SAMD7: variants seen among roughly 807,000 people sequenced by gnomAD.
SAMD7 encodes sterile alpha motif domain-containing protein 7.
SAMD7 carries 34 observed loss-of-function variants against 36.7 expected under a neutral mutation model. That is an observed-to-expected ratio of 0.93 (90% CI 0.71 to 1.23). SAMD7 has a LOEUF of 1.23. Among genes scored for constraint, SAMD7 ranks in the 50% most tolerant of loss-of-function variants. The pLI, the probability that SAMD7 is intolerant of heterozygous loss-of-function variation, is 0.00. For missense variants in SAMD7, 570 were observed against 546.6 expected (o/e 1.04, Z -0.43); for synonymous variants, 188 against 189.7 (o/e 0.99, Z 0.07).
chr3:169,922,967 G>A (rs1287189130), intron 4 of SAMD7, among the ~76,000 whole-genome samples: 2 of 152,214 alleles, frequency 1.3e-5, no homozygotes, highest in African/African-American at 2.4e-5. Context: ...ATTTTGATGT[G>A]AGCAATTTCA....
intron 5 of SAMD7, chr3:169,926,324 A>T (rs1713253926): frequency 1.4e-6 from 2 of 1,386,732 alleles, no homozygotes; most frequent in Admixed American, 2.6e-5. Context: ...GTCTGTTTAA[A>T]GGTAACACTC....
chr3:169,919,363 G>GA, intron 2 of SAMD7, 95 bp from the exon 3 acceptor site: 1 of 691,406 alleles, frequency 1.4e-6, no homozygotes, highest in Non-Finnish European at 2.5e-6. Flanking sequence ...CAAGTGTTGT[G>GA]AAAATACAAA....
intron 8 of SAMD7, among the ~76,000 whole-genome samples, chr3:169,937,428 G>T (rs1394458019): frequency 6.6e-6 from 1 of 151,988 alleles, no homozygotes; most frequent in Non-Finnish European, 1.5e-5. Context: ...CCCCTGACAG[G>T]CCTCAGTGTG....
rs949019591 is a variant in SAMD7 at position 169,932,415 on chromosome 3, C to A, written c.1041+3837C>A. 3.5e-5 allele frequency: 22 copies of A among 624,896 alleles called. No homozygotes were observed. In the East Asian group the frequency reaches 7.9e-4, roughly 22 times the overall value. The allele number at this position is 624,896 out of a possible 1,614,324, so 38.7% of individuals were successfully genotyped here. On this transcript the variant is annotated intron_variant, in intron 7 of 8. Coordinates refer to ENST00000335556, the MANE Select transcript of SAMD7 (RefSeq NM_001304366.2). The stretch of plus-strand genomic sequence containing the variant: ...GCCGAGACTATGTAGTGGAAGGGAA[C>A]CATATGCCGGTTATGATAGACACAA...
Position 169,921,434 on chromosome 3 carries a change from G to A in SAMD7, c.211+96G>A, listed in dbSNP as rs183796776. 116 of 1,270,190 alleles carry A rather than the reference G, an allele frequency of 9.1e-5. No individual in the cohort carries two copies. In the African/African-American group the frequency reaches 1.5e-3, roughly 16 times the overall value. 78.7% of individuals were successfully genotyped at this position (1,270,190 alleles called of 1,614,324 possible). On this transcript the variant is annotated intron_variant, in intron 4 of 8. Transcript: ENST00000335556. ...ATCAAATTACTCCTAAATTTTGGAGGCAGATCTGTGTGGTGGTTGTCTCTG... is the reference window on the plus strand; with the variant it reads ...ATCAAATTACTCCTAAATTTTGGAGACAGATCTGTGTGGTGGTTGTCTCTG...
intron 2 of SAMD7, among the ~76,000 whole-genome samples, chr3:169,915,881 G>T (rs1226143750): frequency 1.3e-5 from 2 of 151,958 alleles, no homozygotes; most frequent in Non-Finnish European, 2.9e-5. Context: ...CCCAGCCTGA[G>T]CCCTATATTT....
intron 7 of SAMD7, chr3:169,932,435 A>G (rs1379156609): frequency 1.6e-6 from 1 of 615,604 alleles, no homozygotes; most frequent in Non-Finnish European, 3.2e-6. Flanking sequence ...GTTATGATAG[A>G]CACAATGCGG....
chr3:169,922,114 A>C (rs1713070481), intron 4 of SAMD7, among the ~76,000 whole-genome samples: 1 of 152,202 alleles, frequency 6.6e-6, no homozygotes, highest in African/African-American at 2.4e-5. Context: ...AGAGAATCAG[A>C]GGCTCAGCTT....
chr3:169,936,211 T>A (rs544528653), intron 7 of SAMD7, 128 bp from the exon 8 acceptor site: 65 of 611,970 alleles, frequency 1.1e-4, no homozygotes, highest in African/African-American at 6.7e-4. Flanking sequence ...AAAAAAAGGT[T>A]TTACAAATTT....
chr3:169,936,060 T>C (rs1233763201), intron 7 of SAMD7, among the ~76,000 whole-genome samples: 1 of 152,144 alleles, frequency 6.6e-6, no homozygotes, highest in Non-Finnish European at 1.5e-5. Flanking sequence ...GGTACATTGG[T>C]CAAAAAAACA....
chr3:169,919,430 G>A (rs1288739371), intron 2 of SAMD7, 28 bp from the exon 3 acceptor site: 4 of 1,170,892 alleles, frequency 3.4e-6, no homozygotes, highest in Non-Finnish European at 5.1e-6. Context: ...AGAGTTATTT[G>A]TTAAAGTGTC....
At chr3:169,927,999 TA>T (rs201869733) in intron 6 of SAMD7, among the ~76,000 whole-genome samples, 3 of 151,658 alleles carry the variant, frequency 2.0e-5, no homozygotes, top group African/African-American at 2.4e-5. Context: ...CTCCTTTAGA[TA>T]AAAAAAAATA....
Position 169,921,127 on chromosome 3 carries a change from A to G in SAMD7, c.87-87A>G, listed in dbSNP as rs532828319. ...AAGAGATGATAGAATCCCATATGGCAATAACAAAATCTCATTGTCTCAGCC... is the reference window on the plus strand; with the variant it reads ...AAGAGATGATAGAATCCCATATGGCGATAACAAAATCTCATTGTCTCAGCC... On this transcript the variant is annotated intron_variant, in intron 3 of 8. Coordinates refer to ENST00000335556, the MANE Select transcript of SAMD7 (RefSeq NM_001304366.2). The G allele has an allele frequency of 3.8e-5, 46 of 1,200,792 alleles. No individual in the cohort carries two copies. In the African/African-American group the frequency reaches 6.4e-4, roughly 17 times the overall value. 74.4% of individuals were successfully genotyped at this position (1,200,792 alleles called of 1,614,324 possible). A position where few individuals can be genotyped will look rare whatever the true frequency, so the allele number is the denominator to read the frequency against.
chr3:169,922,553 G>A (rs1713088640), intron 4 of SAMD7, among the ~76,000 whole-genome samples: 1 of 152,218 alleles, frequency 6.6e-6, no homozygotes, highest in Non-Finnish European at 1.5e-5. Context: ...AGGCTGGAGT[G>A]CAATGGCACA....
intron 7 of SAMD7, among the ~76,000 whole-genome samples, chr3:169,929,711 A>C (rs1713412680): frequency 6.6e-6 from 1 of 152,202 alleles, no homozygotes; most frequent in Non-Finnish European, 1.5e-5. Context: ...TGAGCATTAG[A>C]GTGCATGGCA....
intron 7 of SAMD7, chr3:169,932,978 CT>C (rs1384683702): frequency 4.2e-6 from 3 of 711,092 alleles, no homozygotes; most frequent in South Asian, 1.4e-5. Context: ...AAGAAGCATT[CT>C]TTCCCCCCCT....
At chr3:169,929,609 A>G (rs956124057) in intron 7 of SAMD7, among the ~76,000 whole-genome samples, 1 of 152,152 alleles carries the variant, frequency 6.6e-6, no homozygotes, top group Non-Finnish European at 1.5e-5. Flanking sequence ...TGGTTGTGTG[A>G]CCTAGGACAA....
At chr3:169,915,975 G>A (rs542421348) in intron 2 of SAMD7, among the ~76,000 whole-genome samples, 33 of 152,190 alleles carry the variant, frequency 2.2e-4, no homozygotes, top group African/African-American at 5.3e-4. Context: ...TTTGGCATAC[G>A]CATAATCCAT....
intron 4 of SAMD7, among the ~76,000 whole-genome samples, chr3:169,922,244 TA>T (rs960312330): frequency 1.3e-5 from 2 of 152,158 alleles, no homozygotes; most frequent in African/African-American, 2.4e-5. Context: ...GTAATCAGCA[TA>T]TATGAGGCTA....
Sources: allele counts gnomAD v4.1 joint callset (sites outside exome capture counted in the v4.1 genomes callset), GRCh38; gene constraint gnomAD v4.1.1; transcripts MANE v1.5; gene names NCBI Gene and HGNC (gene_info 2026-07-23, HGNC 2026-07-21).